The following HPSE2 variants were observed in gnomAD, a reference collection of about 807,000 sequenced individuals.
The protein encoded by HPSE2 is inactive heparanase-2.
HPSE2 carries 38 observed loss-of-function variants against 60.5 expected under a neutral mutation model. The ratio of observed to expected loss-of-function variants is 0.63; its 90% CI spans 0.48 to 0.82. The LOEUF (loss-of-function observed/expected upper bound fraction) is 0.82, where lower values mean the gene tolerates loss of function less well. Ranked by LOEUF, HPSE2 falls within the 40% of genes least tolerant of loss-of-function variation. HPSE2 has a pLI of 0.00. For missense variants in HPSE2, 713 were observed against 740.4 expected (o/e 0.96, Z 0.43); for synonymous variants, 295 against 293.2 (o/e 1.01, Z -0.06).
intron 3 of HPSE2, among the ~76,000 whole-genome samples, chr10:98,865,066 G>A (rs1261843466): frequency 2.0e-5 from 3 of 152,074 alleles, no homozygotes; most frequent in African/African-American, 4.8e-5. Flanking sequence ...TGCATAAAAT[G>A]TTGGCATTAA....
intron 9 of HPSE2, among the ~76,000 whole-genome samples, chr10:98,588,800 T>G (rs1321467333): frequency 6.6e-6 from 1 of 151,888 alleles, no homozygotes; most frequent in Non-Finnish European, 1.5e-5. Flanking sequence ...TGATAGCACA[T>G]GAGCCACAAG....
chr10:99,247,600 G>C, the HPSE2 span, among the ~76,000 whole-genome samples: 1 of 152,172 alleles, frequency 6.6e-6, no homozygotes, highest in Non-Finnish European at 1.5e-5. Flanking sequence ...ACAGAGTGGT[G>C]ATTTGATTTT....
intron 3 of HPSE2, among the ~76,000 whole-genome samples, chr10:99,099,644 G>A (rs1034214439): frequency 6.6e-6 from 1 of 152,210 alleles, no homozygotes; most frequent in African/African-American, 2.4e-5. Context: ...GAAGAGAGTA[G>A]TGGTTCTCCA....
At chr10:99,283,351 TC>T in the HPSE2 span, among the ~76,000 whole-genome samples, 3 of 145,476 alleles carry the variant, frequency 2.1e-5, no homozygotes, top group Non-Finnish European at 4.5e-5. Context: ...TAAGAGAAAA[TC>T]AACAGGCTGG....
chr10:99,013,664 C>G (rs2496705), intron 3 of HPSE2: 179,406 of 212,744 alleles, frequency 0.84, 75,894 homozygotes, highest in African/African-American at 0.89. Flanking sequence ...TAGAGACGGG[C>G]CTTCACCATG....
rs545720007 is a variant in HPSE2, at chr10:98,616,502, G to A, written c.1206-1484C>T. Among the ~76,000 whole-genome samples, 17 of 152,216 alleles carry A rather than the reference G, an allele frequency of 1.1e-4. No individual in the cohort carries two copies. In the East Asian group the frequency reaches 1.5e-3, roughly 14 times the overall value. ...TGAAGCCATATGGAGCTCCAAACCC[G>A]TGACTTGAAGAATTAAGTTTTTTCC... On this transcript the variant is annotated intron_variant, in intron 8 of 11. Transcript: ENST00000370552.
rs151292949 is a variant in HPSE2, at chr10:98,654,655, T to C, written c.1005-12715A>G. On this transcript the variant is annotated intron_variant, in intron 6 of 11. Transcript: ENST00000370552. ...TGTCTACTTCCATTAGAGCACTTAA[T>C]GTATTAATCATAGTTAAATTCTCCA... Among the ~76,000 whole-genome samples, 5 of 152,366 alleles carry C rather than the reference T, an allele frequency of 3.3e-5. No individual in the cohort carries two copies. In the East Asian group the frequency reaches 7.7e-4, roughly 23 times the overall value.
At chr10:98,637,008 T>A (rs1442664944) in intron 7 of HPSE2, among the ~76,000 whole-genome samples, 2 of 152,206 alleles carry the variant, frequency 1.3e-5, no homozygotes, top group Non-Finnish European at 2.9e-5. Context: ...CTTCCCTGTA[T>A]TTTTAGATTA....
At chr10:98,766,703 T>C (rs896957628) in intron 3 of HPSE2, among the ~76,000 whole-genome samples, 4 of 152,136 alleles carry the variant, frequency 2.6e-5, no homozygotes, top group African/African-American at 9.7e-5. Flanking sequence ...GGCAGGCAGA[T>C]TGCTTGAGCT....
intron 3 of HPSE2, among the ~76,000 whole-genome samples, chr10:98,884,545 T>A (rs1189454409): frequency 1.3e-5 from 2 of 152,102 alleles, no homozygotes; most frequent in East Asian, 3.9e-4. Context: ...AAATCTTAGG[T>A]TCTCTAAGAT....
intron 5 of HPSE2, among the ~76,000 whole-genome samples, chr10:98,708,005 T>G (rs1287015314): frequency 6.6e-6 from 1 of 152,156 alleles, no homozygotes; most frequent in Non-Finnish European, 1.5e-5. Context: ...AAGAATTTAT[T>G]ACATAAAAAG....
At chr10:98,506,898 A>G (rs1182918550) in intron 9 of HPSE2, among the ~76,000 whole-genome samples, 2 of 152,130 alleles carry the variant, frequency 1.3e-5, no homozygotes, top group Non-Finnish European at 2.9e-5. Context: ...ACATTACTGG[A>G]CAGAAGCCTT....
chr10:98,879,204 T>C (rs1952953699), intron 3 of HPSE2, among the ~76,000 whole-genome samples: 2 of 152,022 alleles, frequency 1.3e-5, no homozygotes, highest in East Asian at 1.9e-4. Flanking sequence ...GTAAATGGTA[T>C]AGAAGTCATG....
At chr10:99,039,440 C>G (rs1957685226) in intron 3 of HPSE2, among the ~76,000 whole-genome samples, 1 of 151,812 alleles carries the variant, frequency 6.6e-6, no homozygotes, top group African/African-American at 2.4e-5. Flanking sequence ...GAATAATCAA[C>G]TAAGATAGTC....
intron 9 of HPSE2, among the ~76,000 whole-genome samples, chr10:98,524,881 A>G (rs976360907): frequency 1.3e-5 from 2 of 152,252 alleles, no homozygotes; most frequent in African/African-American, 2.4e-5. Flanking sequence ...GGTAACACTC[A>G]TGCTAATTAT....
At chr10:98,592,681 C>A (rs1030845431) in intron 9 of HPSE2, among the ~76,000 whole-genome samples, 2 of 152,102 alleles carry the variant, frequency 1.3e-5, no homozygotes, top group Non-Finnish European at 2.9e-5. Flanking sequence ...AATCCACATG[C>A]TTATGATTAA....
chr10:98,463,193 T>C (rs1429922149), intron 11 of HPSE2, among the ~76,000 whole-genome samples: 1 of 152,156 alleles, frequency 6.6e-6, no homozygotes, highest in Non-Finnish European at 1.5e-5. Context: ...CTGACAGTTA[T>C]CTGTTGTCAC....
intron 6 of HPSE2, among the ~76,000 whole-genome samples, chr10:98,646,216 A>G (rs1946764760): frequency 6.6e-6 from 1 of 152,148 alleles, no homozygotes. Flanking sequence ...ATATAAATAT[A>G]TCATTTATAT....
chr10:99,284,391 G>A, the HPSE2 span, among the ~76,000 whole-genome samples: 3 of 152,036 alleles, frequency 2.0e-5, no homozygotes, highest in Non-Finnish European at 4.4e-5. Flanking sequence ...CAGTGATAAA[G>A]GCCATATACA....
Sources: gnomAD v4.1 joint callset for allele counts (sites outside exome capture counted in the v4.1 genomes callset) on GRCh38, gnomAD v4.1.1 for gene constraint, MANE v1.5 for transcripts, NCBI Gene and HGNC (gene_info 2026-07-23, HGNC 2026-07-21) for gene names.